The following PDZRN3 variants were observed in gnomAD, a reference collection of about 807,000 sequenced individuals.
PDZRN3 encodes PDZ domain containing ring finger 3, also known as E3 ubiquitin-protein ligase PDZRN3.
A neutral mutation model predicts 85.7 loss-of-function variants in PDZRN3; 38 were observed. The observed-to-expected ratio is 0.44, with a 90% CI of 0.34 to 0.58. The LOEUF (loss-of-function observed/expected upper bound fraction) is 0.58. PDZRN3 is among the 20% of genes least tolerant of loss of function. The pLI is 0.01. For missense variants in PDZRN3, 1,629 were observed against 1,506.4 expected, an observed-to-expected ratio of 1.08 and a Z score of -1.35; for synonymous variants, 759 against 638.0, an observed-to-expected ratio of 1.19 and a Z score of -2.86.
chr3:73,532,761 G>T (rs934703235), intron 3 of PDZRN3, among the ~76,000 whole-genome samples: 2 of 152,160 alleles, frequency 1.3e-5, no homozygotes, highest in African/African-American at 4.8e-5. Flanking sequence ...TAAGTGAAGA[G>T]GCATTACAGA....
intron 3 of PDZRN3, among the ~76,000 whole-genome samples, chr3:73,409,442 T>G (rs1701921618): frequency 6.6e-6 from 1 of 152,220 alleles, no homozygotes. Flanking sequence ...TCTGTCTATC[T>G]TTCAGTCATT....
intron 3 of PDZRN3, among the ~76,000 whole-genome samples, chr3:73,508,785 A>C (rs1440301756): frequency 6.6e-6 from 1 of 152,154 alleles, no homozygotes; most frequent in African/African-American, 2.4e-5. Context: ...TGGCACACAA[A>C]ATTGATACAT....
rs550210688 is a variant in PDZRN3 at position 73,383,265 on chromosome 3, G to A, written c.*100C>T. 40 of 1,118,022 alleles carry A rather than the reference G, an allele frequency of 3.6e-5. No homozygotes were observed. Among genetic ancestry groups the A allele is most frequent in the African/African-American group, 6.2e-5 (4 of 64,098 alleles). 69.3% of individuals were successfully genotyped at this position (1,118,022 alleles called of 1,614,324 possible). ...AATTTGGACTATAAACATGAAGACC[G>A]TACTTATCTTATATACAAAAACTTG... On this transcript the variant is annotated 3_prime_UTR_variant, in exon 10 of 10. Coordinates refer to ENST00000263666, the MANE Select transcript of PDZRN3 (RefSeq NM_015009.3).
At chr3:73,536,956 G>A (rs1225581054) in intron 3 of PDZRN3, among the ~76,000 whole-genome samples, 1 of 152,060 alleles carries the variant, frequency 6.6e-6, no homozygotes, top group African/African-American at 2.4e-5. Context: ...CTCCTATTTT[G>A]TACTCAGACT....
intron 3 of PDZRN3, among the ~76,000 whole-genome samples, chr3:73,500,063 C>T (rs926467340): frequency 6.6e-6 from 1 of 152,042 alleles, no homozygotes; most frequent in South Asian, 2.1e-4. Flanking sequence ...TGCTTTTTTT[C>T]CCCCACCTTC....
chr3:73,611,077 T>A (rs2106908317), intron 1 of PDZRN3, among the ~76,000 whole-genome samples: 1 of 152,308 alleles, frequency 6.6e-6, no homozygotes, highest in South Asian at 2.1e-4. Flanking sequence ...TACTTCCCAA[T>A]CCTACATCTT....
intron 3 of PDZRN3, among the ~76,000 whole-genome samples, chr3:73,444,227 T>A (rs1216624340): frequency 6.6e-6 from 1 of 152,186 alleles, no homozygotes; most frequent in Non-Finnish European, 1.5e-5. Context: ...GTGAGCTCCA[T>A]CCTTCCAATC....
At chr3:73,550,242 C>T (rs756325505) in intron 3 of PDZRN3, among the ~76,000 whole-genome samples, 1 of 152,186 alleles carries the variant, frequency 6.6e-6, no homozygotes, top group African/African-American at 2.4e-5. Flanking sequence ...CTCGCCGCCA[C>T]CCCTCAACCC....
chr3:73,518,095 T>A (rs1235696623), intron 3 of PDZRN3, among the ~76,000 whole-genome samples: 1 of 152,184 alleles, frequency 6.6e-6, no homozygotes, highest in East Asian at 1.9e-4. Flanking sequence ...AGCCAAAAGG[T>A]AGAAGCAACC....
rs576015830 is a variant in PDZRN3 at position 73,550,107 on chromosome 3, C to CT, written c.918+52246dup. 4.7e-3 allele frequency among the ~76,000 whole-genome samples: 716 copies of CT among 152,274 alleles called. 7 individuals are homozygous for CT. The highest frequency in any genetic ancestry group is 0.017 in the African/African-American group (687 of 41,560). ...TACTTAAAAGCACAGGAAATCCTGT[C>CT]TTTTTTCTTGTTATAAAATCTTACA... On this transcript the variant is annotated intron_variant, in intron 3 of 9. Transcript: ENST00000263666.
chr3:73,565,292 C>A (rs974416872), intron 3 of PDZRN3, among the ~76,000 whole-genome samples: 1 of 152,002 alleles, frequency 6.6e-6, no homozygotes, highest in South Asian at 2.1e-4. Flanking sequence ...CTATGTCCTG[C>A]TAATTTTTTG....
intron 3 of PDZRN3, among the ~76,000 whole-genome samples, chr3:73,452,541 G>T (rs1032628469): frequency 6.6e-6 from 1 of 152,152 alleles, no homozygotes; most frequent in Non-Finnish European, 1.5e-5. Context: ...CTTTCACAGG[G>T]AACAAGATGT....
At chr3:73,438,684 A>C (rs987082048) in intron 3 of PDZRN3, among the ~76,000 whole-genome samples, 14 of 152,308 alleles carry the variant, frequency 9.2e-5, no homozygotes, top group African/African-American at 3.1e-4. Context: ...CTTCTGGATC[A>C]CACAGATTCA....
intron 3 of PDZRN3, among the ~76,000 whole-genome samples, chr3:73,550,647 G>C (rs557601792): frequency 1.2e-4 from 19 of 152,306 alleles, no homozygotes; most frequent in African/African-American, 4.1e-4. Flanking sequence ...TACTATTATT[G>C]ATTAAATGCT....
chr3:73,413,096 C>T (rs958523875), intron 3 of PDZRN3, among the ~76,000 whole-genome samples: 2 of 152,182 alleles, frequency 1.3e-5, no homozygotes, highest in Non-Finnish European at 2.9e-5. Context: ...GGCACAGTGC[C>T]CAATGTCAGC....
chr3:73,499,560 A>G (rs927724805), intron 3 of PDZRN3, among the ~76,000 whole-genome samples: 30 of 152,210 alleles, frequency 2.0e-4, no homozygotes, highest in African/African-American at 7.0e-4. Flanking sequence ...AACAACCACA[A>G]GTTCTGGATT....
At chr3:73,465,545 T>C (rs530229122) in intron 3 of PDZRN3, among the ~76,000 whole-genome samples, 16 of 152,268 alleles carry the variant, frequency 1.1e-4, no homozygotes, top group African/African-American at 3.4e-4. Flanking sequence ...GGGACAGAAG[T>C]TGATGAACAA....
At chr3:73,472,650 T>TG (rs542502638) in intron 3 of PDZRN3, among the ~76,000 whole-genome samples, 39 of 152,342 alleles carry the variant, frequency 2.6e-4, no homozygotes, top group African/African-American at 8.9e-4. Flanking sequence ...GCCAGGCATT[T>TG]GGGGAAAGTT....
chr3:73,385,618 T>C, intron 9 of PDZRN3, 51 bp downstream of exon 9: 1 of 1,112,540 alleles, frequency 9.0e-7, no homozygotes, highest in East Asian at 2.4e-5. Flanking sequence ...GAAGCAGATT[T>C]TCCTCCAGCT....
Sources: allele counts gnomAD v4.1 joint callset (sites outside exome capture counted in the v4.1 genomes callset), GRCh38; gene constraint gnomAD v4.1.1; transcripts MANE v1.5; gene names NCBI Gene and HGNC (gene_info 2026-07-23, HGNC 2026-07-21).